Variants in DHRSX observed in about 807,000 individuals in gnomAD.
DHRSX encodes polyprenol dehydrogenase.
In DHRSX, 31 loss-of-function variants were observed where a neutral mutation model predicts 34.0. That is an observed-to-expected ratio of 0.91 (90% CI 0.69 to 1.23). The LOEUF is 1.23. Ranked by LOEUF, DHRSX falls within the 50% of genes most tolerant of loss-of-function variation. The pLI is 0.00. For synonymous variants in DHRSX, 201 were observed against 183.8 expected, an observed-to-expected ratio of 1.09 and a Z score of -0.76; for missense variants, 414 against 428.1, an observed-to-expected ratio of 0.97 and a Z score of 0.29.
intron 2 of DHRSX, among the ~76,000 whole-genome samples, chrX:2,423,179 G>A (rs777059200): frequency 1.7e-3 from 258 of 151,234 alleles, no homozygotes; most frequent in African/African-American, 5.9e-3. Context: ...TTGGGAGGCG[G>A]AGGTGGGCAG....
intron 5 of DHRSX, among the ~76,000 whole-genome samples, chrX:2,259,381 T>TAG (rs1227194460): frequency 1.5e-4 from 9 of 60,572 alleles, no homozygotes; most frequent in African/African-American, 4.2e-4. Context: ...TATAGATATA[T>TAG]ATATAGATAT....
intron 1 of DHRSX, among the ~76,000 whole-genome samples, chrX:2,485,210 A>AC (rs2044857596): frequency 6.6e-6 from 1 of 152,100 alleles, no homozygotes; most frequent in African/African-American, 2.4e-5. Flanking sequence ...TCTGTAAGAA[A>AC]CCCTCAAGGA....
intron 3 of DHRSX, among the ~76,000 whole-genome samples, chrX:2,407,460 G>A (rs913431197): frequency 2.6e-5 from 4 of 152,134 alleles, no homozygotes; most frequent in Non-Finnish European, 4.4e-5. Flanking sequence ...CCGGAGAGAG[G>A]GAGAGAGTAG....
chrX:2,471,749 T>A (rs2044596527), intron 1 of DHRSX, among the ~76,000 whole-genome samples: 1 of 152,104 alleles, frequency 6.6e-6, no homozygotes, highest in Admixed American at 6.6e-5. Context: ...GCATTCAGTG[T>A]TTTCATGCAC....
At chrX:2,444,640 G>C (rs1418492464) in intron 1 of DHRSX, among the ~76,000 whole-genome samples, 1 of 152,068 alleles carries the variant, frequency 6.6e-6, no homozygotes, top group Admixed American at 6.6e-5. Context: ...AGACGAACCT[G>C]GGAAACATAG....
intron 3 of DHRSX, among the ~76,000 whole-genome samples, chrX:2,294,201 G>A (rs2041902376): frequency 6.6e-6 from 1 of 151,940 alleles, no homozygotes; most frequent in African/African-American, 2.4e-5. Flanking sequence ...AAGAGAGAGA[G>A]GGACGGGAGA....
chrX:2,451,648 T>C (rs1175896225), intron 1 of DHRSX, among the ~76,000 whole-genome samples: 5 of 152,154 alleles, frequency 3.3e-5, no homozygotes, highest in Non-Finnish European at 7.4e-5. Context: ...GCTGGCTGCG[T>C]CTCTCACTGT....
intron 3 of DHRSX, among the ~76,000 whole-genome samples, chrX:2,331,897 T>G (rs772526187): frequency 1.3e-5 from 2 of 152,246 alleles, no homozygotes; most frequent in South Asian, 4.1e-4. Flanking sequence ...CAAAGCACCC[T>G]CTACCCTCAG....
chrX:2,396,637 C>T (rs754310941), intron 3 of DHRSX, among the ~76,000 whole-genome samples: 14 of 152,068 alleles, frequency 9.2e-5, no homozygotes, highest in Non-Finnish European at 1.9e-4. Context: ...CTTGGCCTCC[C>T]AAAGGTGTCT....
At chrX:2,321,144 G>T (rs1221906571) in intron 3 of DHRSX, among the ~76,000 whole-genome samples, 1 of 152,148 alleles carries the variant, frequency 6.6e-6, no homozygotes, top group Admixed American at 6.6e-5. Context: ...ATATCTTCAT[G>T]CCGAGGGGAT....
At chrX:2,363,000 TATG>T (rs1392739049) in intron 3 of DHRSX, among the ~76,000 whole-genome samples, 1 of 115,308 alleles carries the variant, frequency 8.7e-6, no homozygotes, top group African/African-American at 2.9e-5. Context: ...ATCACCGTTC[TATG>T]ATATCATGCC....
chrX:2,483,174 T>C (rs1328734790), intron 1 of DHRSX, among the ~76,000 whole-genome samples: 6 of 152,012 alleles, frequency 3.9e-5, no homozygotes, highest in East Asian at 3.9e-4. Context: ...CAGCCTCGAC[T>C]TTCCGGGCTC....
intron 1 of DHRSX, among the ~76,000 whole-genome samples, chrX:2,495,648 C>CCCTCCTTCCTCCTTCCTCCTCCCTCCTT (rs2045264543): frequency 6.6e-6 from 1 of 151,976 alleles, no homozygotes; most frequent in Admixed American, 6.5e-5. Flanking sequence ...GCAGTGAGTA[C>CCCTCCTTCCTCCTTCCTCCTCCCTCCTT]CCTCCTTCCT....
In DHRSX at chrX:2,309,061, ATG is replaced by A. The variant is rs763578918; in HGVS notation, c.287-17460_287-17459del. Among the ~76,000 whole-genome samples the A allele has an allele frequency of 5.1e-3, 774 of 152,284 alleles. 9 individuals are homozygous for A. The highest frequency in any genetic ancestry group is 0.018 in the African/African-American group (745 of 41,558). On this transcript the variant is annotated intron_variant, in intron 3 of 6. Coordinates refer to ENST00000334651, the MANE Select transcript of DHRSX (RefSeq NM_145177.3). ...ATAATATGTTACATTTGTAAGTAAA[ATG>A]TGAAAATCTCGAGGAAATAATTTTC...
intron 3 of DHRSX, among the ~76,000 whole-genome samples, chrX:2,327,718 AGAGG>A (rs1407180189): frequency 2.0e-5 from 3 of 152,168 alleles, no homozygotes; most frequent in South Asian, 2.1e-4. Flanking sequence ...TAGTCTTTAA[AGAGG>A]TGATTAAGGT....
chrX:2,427,937 G>A (rs2043869814), intron 1 of DHRSX, among the ~76,000 whole-genome samples: 1 of 152,166 alleles, frequency 6.6e-6, no homozygotes, highest in African/African-American at 2.4e-5. Context: ...GAAAAGGAAT[G>A]ATGTTGTGTC....
At chrX:2,350,854 G>T (rs1211337638) in intron 3 of DHRSX, among the ~76,000 whole-genome samples, 4 of 152,110 alleles carry the variant, frequency 2.6e-5, no homozygotes, top group Non-Finnish European at 4.4e-5. Context: ...GATAAGACTG[G>T]ATAAAGAAAA....
At chrX:2,453,429 T>A (rs1203066688) in intron 1 of DHRSX, among the ~76,000 whole-genome samples, 1 of 151,212 alleles carries the variant, frequency 6.6e-6, no homozygotes, top group Non-Finnish European at 1.5e-5. Context: ...CCCAGCTACA[T>A]GGGAGGCTGA....
At chrX:2,330,102 GA>G (rs1358270997) in intron 3 of DHRSX, among the ~76,000 whole-genome samples, 16 of 7,546 alleles carry the variant, frequency 2.1e-3, no homozygotes, top group South Asian at 8.1e-3. Context: ...GGGAGGGAGG[GA>G]GAGAGAGAGA....
Sources: allele counts gnomAD v4.1 joint callset (sites outside exome capture counted in the v4.1 genomes callset), GRCh38; gene constraint gnomAD v4.1.1; transcripts MANE v1.5; gene names NCBI Gene and HGNC (gene_info 2026-07-23, HGNC 2026-07-21).